Variants in SLC7A10 observed in about 807,000 individuals in gnomAD.
SLC7A10 encodes asc-type amino acid transporter 1.
Under a neutral mutation model 52.7 loss-of-function variants are expected in SLC7A10, and 30 were observed. The ratio of observed to expected loss-of-function variants is 0.57; its 90% CI spans 0.43 to 0.77. SLC7A10 has a LOEUF of 0.77. SLC7A10 is among the 30% of genes least tolerant of loss of function. SLC7A10 has a pLI of 0.00. For synonymous variants in SLC7A10, 318 were observed against 314.9 expected (o/e 1.01, Z -0.10); for missense variants, 581 against 698.5 (o/e 0.83, Z 1.90).
chr19:33,212,066 T>C, intron 5 of SLC7A10: 1 of 623,584 alleles, frequency 1.6e-6, no homozygotes, highest in Non-Finnish European at 2.8e-6. Flanking sequence ...TCAGCCTTTC[T>C]GAGGCCCTGC....
chr19:33,216,827 G>A (rs1029786209), intron 1 of SLC7A10, among the ~76,000 whole-genome samples: 7 of 151,968 alleles, frequency 4.6e-5, no homozygotes, highest in Admixed American at 3.3e-4. Flanking sequence ...TGATCCACCC[G>A]CCTCGGCCTC....
At chr19:33,219,378 G>A (rs916947996) in intron 1 of SLC7A10, among the ~76,000 whole-genome samples, 11 of 152,230 alleles carry the variant, frequency 7.2e-5, no homozygotes. Context: ...TGGAGGCAGC[G>A]GCAGACCACT....
At chr19:33,215,627 T>A (rs1974658375) in intron 2 of SLC7A10, 142 bp downstream of exon 2, 3 of 327,392 alleles carry the variant, frequency 9.2e-6, no homozygotes, top group Non-Finnish European at 1.3e-5. Flanking sequence ...CTTCTCTCCA[T>A]CCACCCCCCA....
rs1464728211 is a variant in SLC7A10, at chr19:33,208,879, T to G, written c.*12A>C. On this transcript the variant is annotated 3_prime_UTR_variant, in exon 11 of 11. Transcript: ENST00000253188. This position sits in a 1 kb window ranked among gnomAD's most constrained non-coding sequence, Gnocchi z 4.7. ...GTAAACAGAAACAACTGCTTCAGTC[T>G]CTACAAAAATCTCATTGTGGCTTCG... 6.5e-7 allele frequency: 1 copy of G among 1,547,254 alleles called. No homozygotes were observed. Among genetic ancestry groups the G allele is most frequent in the Non-Finnish European group, 8.8e-7 (1 of 1,138,988 alleles).
chr19:33,208,810 A>AAAAC lies in SLC7A10; in HGVS notation c.*77_*80dup, dbSNP rs1974465384. 4.4e-6 allele frequency: 7 copies of AAAAC among 1,595,236 alleles called. No individual in the cohort carries two copies. In the South Asian group the frequency reaches 7.9e-5, roughly 18 times the overall value. On this transcript the variant is annotated 3_prime_UTR_variant, in exon 11 of 11. Coordinates refer to ENST00000253188, the MANE Select transcript of SLC7A10 (RefSeq NM_019849.3). This position sits in a 1 kb window ranked among gnomAD's most constrained non-coding sequence, Gnocchi z 4.7. ...TTTTCTTTTTTTTCCAGAAAAAAAC[A>AAAAC]AAACAAAACTTTTTTGCCAAAACAC... is the stretch of plus-strand genomic sequence containing the variant.
chr19:33,209,020 C>G lies in SLC7A10; in HGVS notation c.1443G>C (p.Glu481Asp). The G allele has an allele frequency of 6.2e-7, 1 of 1,613,722 alleles. No individual in the cohort carries two copies. The highest frequency in any genetic ancestry group is 8.5e-7 in the Non-Finnish European group (1 of 1,180,016). The change falls in exon 11 of 11, where the codon GAG (glutamate) becomes GAC (aspartate). Residue 481 changes from glutamate to aspartate, a missense_variant and splice_region_variant. Coordinates refer to ENST00000253188, the MANE Select transcript of SLC7A10 (RefSeq NM_019849.3). Reference protein sequence around the residue: ...SKPKCVHRLTESMTHWGQELC... With the variant: ...SKPKCVHRLTDSMTHWGQELC... ...GCTCCTGGCCCCAGTGTGTCATGGA[C>G]TCTGAGGACAGACAGATGGACCTTG... is the stretch of plus-strand genomic sequence containing the variant.
chr19:33,215,222 C>T (rs946322639), intron 2 of SLC7A10, among the ~76,000 whole-genome samples: 5 of 147,998 alleles, frequency 3.4e-5, no homozygotes, highest in Middle Eastern at 3.5e-3. Context: ...GAGCTGAGAT[C>T]ACGCCATTGC....
At position 33,209,365 on chromosome 19, in the gene SLC7A10, T is replaced by C; in HGVS notation, c.1384A>G (p.Ile462Val). The part of the protein sequence containing the change: ...GVIIILTGVP[I>V]FFLGVFWRSK... The stretch of plus-strand genomic sequence containing the variant: ...CTCCAGAACACTCCCAGAAAGAAAA[T>C]GGGCACCCCCGTAAGGATGATGATG... Residue 462 changes from isoleucine (I) to valine (V), a missense_variant, in exon 10 of 11, where the codon ATT becomes GTT. Transcript: ENST00000253188. The C allele has an allele frequency of 6.2e-7, 1 of 1,613,748 alleles. No individual in the cohort carries two copies. Among genetic ancestry groups the C allele is most frequent in the Non-Finnish European group, 8.5e-7 (1 of 1,179,934 alleles).
intron 2 of SLC7A10, among the ~76,000 whole-genome samples, chr19:33,213,855 G>A (rs1221027310): frequency 6.6e-6 from 1 of 152,180 alleles, no homozygotes; most frequent in Non-Finnish European, 1.5e-5. Context: ...CAGACTGTGA[G>A]TCTGACCTGT....
chr19:33,225,425 T>C (rs1478729563), intron 1 of SLC7A10, 128 bp downstream of exon 1: 36 of 1,200,076 alleles, frequency 3.0e-5, no homozygotes, highest in Non-Finnish European at 4.3e-5. Context: ...TAGCGCTCTC[T>C]GAGGCCAGAC....
intron 9 of SLC7A10, 148 bp from the exon 10 acceptor site, chr19:33,209,633 A>G: frequency 1.2e-6 from 1 of 819,818 alleles, no homozygotes; most frequent in Non-Finnish European, 1.9e-6. Flanking sequence ...TCTTGGCGAC[A>G]GCCCAGTGTG....
chr19:33,212,186 G>A (rs945302535), intron 5 of SLC7A10, 106 bp downstream of exon 5: 63 of 1,505,528 alleles, frequency 4.2e-5, no homozygotes, highest in African/African-American at 6.9e-5. Context: ...GTGGGCCACC[G>A]AGGACCAGCC....
rs776698377 is a variant in SLC7A10, at chr19:33,212,890, G to T, written c.469C>A (p.Pro157Thr). 9.3e-6 allele frequency: 15 copies of T among 1,614,068 alleles called. No individual in the cohort carries two copies. In the East Asian group the frequency reaches 1.8e-4, roughly 19 times the overall value. ...LQPVFPNCIPPTTASRVLSMA... is the reference protein window; with the variant it reads ...LQPVFPNCIPTTTASRVLSMA... ...GACAGCACCCGGGAGGCTGTGGTGG[G>T]GGGGATGCAGTTGGGGAACACGGGC... Residue 157 changes from proline to threonine, a missense_variant, in exon 3 of 11, where the codon CCC (proline) becomes ACC (threonine). Physicochemically the swap from Pro to Thr is conservative, Grantham distance 38 (BLOSUM62 -1). Transcript: ENST00000253188.
In SLC7A10 at chr19:33,210,434, C is replaced by G. The variant is rs1974517339; in HGVS notation, c.1263+33G>C. 1.3e-6 allele frequency: 2 copies of G among 1,553,896 alleles called. No homozygotes were observed. The highest frequency in any genetic ancestry group is 2.4e-5 in the East Asian group (1 of 41,900). On this transcript the variant is annotated intron_variant, in intron 9 of 10. Coordinates refer to ENST00000253188, the MANE Select transcript of SLC7A10 (RefSeq NM_019849.3). The surrounding 1 kb of genome is among the most constrained non-coding windows in gnomAD (Gnocchi z 5.6). ...GGATGCAGGGGTGGCTCTGGCAGCA[C>G]CCGGCACAGGGCCAGCTGTCCCAGG...
chr19:33,214,353 T>C (rs73041451), intron 2 of SLC7A10, among the ~76,000 whole-genome samples: 2,146 of 152,172 alleles, frequency 0.014, 21 homozygotes, highest in Non-Finnish European at 0.022. Flanking sequence ...CCCCAGACCA[T>C]CTAGGAGCCT....
At chr19:33,211,998 T>C (rs1974564169) in intron 5 of SLC7A10, 1 of 539,904 alleles carries the variant, frequency 1.9e-6, no homozygotes. Context: ...TGTGTGTATA[T>C]GCATAATTTT....
intron 1 of SLC7A10, among the ~76,000 whole-genome samples, chr19:33,218,803 C>T (rs961484194): frequency 2.4e-4 from 36 of 149,474 alleles, no homozygotes; most frequent in African/African-American, 8.1e-4. Flanking sequence ...CAGGCATGAG[C>T]CACCACACCT....
chr19:33,211,363 C>T (rs1286497189), intron 6 of SLC7A10, 35 bp from the exon 7 acceptor site: 4 of 1,613,764 alleles, frequency 2.5e-6, no homozygotes, highest in African/African-American at 2.7e-5. Flanking sequence ...ATGTGTAAGG[C>T]CGGGGCAGGG....
Position 33,225,774 on chromosome 19 carries a change from G to A in SLC7A10, c.-71C>T. The A allele has an allele frequency of 1.4e-6, 2 of 1,432,770 alleles. No individual in the cohort carries two copies. The highest frequency in any genetic ancestry group is 1.8e-6 in the Non-Finnish European group (2 of 1,097,470). The allele number at this position is 1,432,770 out of a possible 1,614,324, so 88.8% of individuals were successfully genotyped here. The stretch of plus-strand genomic sequence containing the variant: ...CCGGCCGGCCGCCCGTCGGTCCGTC[G>A]GTCCGTGAGCTCACGGCCCTCGCAG... On this transcript the variant is annotated 5_prime_UTR_variant, in exon 1 of 11. Coordinates refer to ENST00000253188, the MANE Select transcript of SLC7A10 (RefSeq NM_019849.3).
Sources: allele counts gnomAD v4.1 joint callset (sites outside exome capture counted in the v4.1 genomes callset), GRCh38; gene constraint gnomAD v4.1.1; non-coding constraint Gnocchi (gnomAD v3.1); transcripts MANE v1.5; gene names NCBI Gene and HGNC (gene_info 2026-07-23, HGNC 2026-07-21).